The following PPFIA2 variants were observed in gnomAD, a reference collection of about 807,000 sequenced individuals.
The protein encoded by PPFIA2 is liprin-alpha-2.
Under a neutral mutation model 175.5 loss-of-function variants are expected in PPFIA2, and 46 were observed. The ratio of observed to expected loss-of-function variants is 0.26; its 90% CI spans 0.21 to 0.34. PPFIA2 has a LOEUF of 0.34. Ranked by LOEUF, PPFIA2 falls within the 10% of genes least tolerant of loss-of-function variation. PPFIA2 has a pLI of 1.00. For synonymous variants in PPFIA2, 568 were observed against 511.4 expected (o/e 1.11, Z -1.49); for missense variants, 1,179 against 1,506.1 (o/e 0.78, Z 3.60).
chr12:81,432,973 A>G (rs1024196607), intron 7 of PPFIA2, among the ~76,000 whole-genome samples: 2 of 151,620 alleles, frequency 1.3e-5, no homozygotes, highest in African/African-American at 4.8e-5. Context: ...AAACATTAAC[A>G]AAAAAAACCA....
At chr12:81,438,621 A>G (rs894458905) in intron 7 of PPFIA2, among the ~76,000 whole-genome samples, 4 of 152,186 alleles carry the variant, frequency 2.6e-5, no homozygotes, top group African/African-American at 9.7e-5. Flanking sequence ...TATAAGACTT[A>G]TCTTTACTGA....
chr12:81,733,844 CTT>C (rs1361735911), intron 3 of PPFIA2, among the ~76,000 whole-genome samples: 1 of 151,678 alleles, frequency 6.6e-6, no homozygotes, highest in Non-Finnish European at 1.5e-5. Context: ...TTTTCATCAT[CTT>C]TTTTTGTTTC....
chr12:81,665,410 A>T (rs1409571712), intron 4 of PPFIA2, among the ~76,000 whole-genome samples: 1 of 152,068 alleles, frequency 6.6e-6, no homozygotes, highest in Non-Finnish European at 1.5e-5. Context: ...CAGTGTTAGC[A>T]TAAACTTAAC....
chr12:81,706,464 C>A (rs890447309), intron 3 of PPFIA2, among the ~76,000 whole-genome samples: 1 of 152,070 alleles, frequency 6.6e-6, no homozygotes, highest in Non-Finnish European at 1.5e-5. Flanking sequence ...GCTTCCACAA[C>A]CTTAAAAATT....
At chr12:81,325,043 G>A (rs933670164) in intron 22 of PPFIA2, among the ~76,000 whole-genome samples, 2 of 151,956 alleles carry the variant, frequency 1.3e-5, no homozygotes, top group African/African-American at 4.8e-5. Context: ...GAAGGAAAAT[G>A]TGAAAACCAA....
At chr12:81,462,088 T>C (rs1217915494) in intron 4 of PPFIA2, among the ~76,000 whole-genome samples, 3 of 151,618 alleles carry the variant, frequency 2.0e-5, no homozygotes, top group African/African-American at 7.3e-5. Context: ...ATTTAGAAGA[T>C]ATTATTGGAG....
At chr12:81,548,241 G>A (rs2067292930) in intron 4 of PPFIA2, among the ~76,000 whole-genome samples, 1 of 152,122 alleles carries the variant, frequency 6.6e-6, no homozygotes, top group Non-Finnish European at 1.5e-5. Context: ...TATAGTAAGA[G>A]GGGATTAGCA....
intron 11 of PPFIA2, chr12:81,369,435 A>G: frequency 7.5e-7 from 1 of 1,334,528 alleles, no homozygotes; most frequent in South Asian, 1.5e-5. Flanking sequence ...AAATCAGCCA[A>G]ATGTAACATG....
intron 3 of PPFIA2, among the ~76,000 whole-genome samples, chr12:81,721,806 G>A (rs2079386791): frequency 6.6e-6 from 1 of 151,084 alleles, no homozygotes; most frequent in South Asian, 2.1e-4. Flanking sequence ...TTCACTGTTT[G>A]TTTGATCTGG....
intron 3 of PPFIA2, among the ~76,000 whole-genome samples, chr12:81,735,448 C>G (rs531722754): frequency 6.6e-6 from 1 of 151,906 alleles, no homozygotes; most frequent in South Asian, 2.1e-4. Flanking sequence ...GGGTTTTCCT[C>G]TTCTTATTGA....
intron 4 of PPFIA2, among the ~76,000 whole-genome samples, chr12:81,631,119 C>T (rs1325799370): frequency 1.3e-5 from 2 of 151,998 alleles, no homozygotes; most frequent in South Asian, 4.2e-4. Context: ...TGATCTCAAA[C>T]TCCTGGGCTC....
chr12:81,642,992 T>C (rs946975733), intron 4 of PPFIA2, among the ~76,000 whole-genome samples: 19 of 147,044 alleles, frequency 1.3e-4, no homozygotes, highest in Non-Finnish European at 2.8e-4. Flanking sequence ...CTCTTATGTG[T>C]ATATAATATA....
intron 26 of PPFIA2, 126 bp downstream of exon 26, chr12:81,282,884 T>C: frequency 4.2e-6 from 3 of 711,412 alleles, no homozygotes; most frequent in East Asian, 2.7e-5. Flanking sequence ...CATTTACCTA[T>C]ACACATCAGC....
Position 81,687,143 on chromosome 12 carries a change from T to C in PPFIA2, c.250-10299A>G, listed in dbSNP as rs191116182. On this transcript the variant is annotated intron_variant, in intron 3 of 32. Coordinates refer to ENST00000549396, the MANE Select transcript of PPFIA2 (RefSeq NM_003625.5). ...CTACCCCAGAGTGATGTATTTTAAA[T>C]GCAAATATAGACAGGTTACTTCTGT... Among the ~76,000 whole-genome samples, 460 of 152,150 alleles carry C rather than the reference T, an allele frequency of 3.0e-3. 4 individuals are homozygous for C. The highest frequency in any genetic ancestry group is 3.2e-3 in the Non-Finnish European group (216 of 67,972).
At chr12:81,303,319 C>T (rs991235439) in intron 22 of PPFIA2, among the ~76,000 whole-genome samples, 10 of 152,214 alleles carry the variant, frequency 6.6e-5, no homozygotes, top group African/African-American at 2.2e-4. Context: ...ACCATCTTTT[C>T]CCAAAGGATC....
chr12:81,317,172 T>G (rs1457928284), intron 22 of PPFIA2, among the ~76,000 whole-genome samples: 1 of 151,476 alleles, frequency 6.6e-6, no homozygotes, highest in African/African-American at 2.4e-5. Flanking sequence ...GCAGAATATA[T>G]GCACACAAGG....
In PPFIA2 at chr12:81,728,012, T is replaced by C. The variant is rs777793475; in HGVS notation, c.249+25961A>G. On this transcript the variant is annotated intron_variant, in intron 3 of 32. Coordinates refer to ENST00000549396, the MANE Select transcript of PPFIA2 (RefSeq NM_003625.5). ...TAACTGCAAAGGAGACTAAAACAAA[T>C]GCAAAGTTGAAACATATTAGGAACA... Among the ~76,000 whole-genome samples, 25 of 151,400 alleles carry C rather than the reference T, an allele frequency of 1.7e-4. 1 individual carries two copies. Among genetic ancestry groups the C allele is most frequent in the Non-Finnish European group, 5.9e-5 (4 of 67,564 alleles).
chr12:81,715,718 T>C (rs1468876572), intron 3 of PPFIA2, among the ~76,000 whole-genome samples: 1 of 151,820 alleles, frequency 6.6e-6, no homozygotes, highest in Non-Finnish European at 1.5e-5. Context: ...AGGAAATCTA[T>C]ATCACATAAA....
rs145300357 is a variant in PPFIA2 at position 81,695,224 on chromosome 12, C to T, written c.250-18380G>A. On this transcript the variant is annotated intron_variant, in intron 3 of 32. Coordinates refer to ENST00000549396, the MANE Select transcript of PPFIA2 (RefSeq NM_003625.5). ...GAAGGACATGAGATTTGGGAGGGGC[C>T]AGCAGTAAAATGATATAGTTTGAAT... is the stretch of plus-strand genomic sequence containing the variant. Among the ~76,000 whole-genome samples, 294 of 152,144 alleles carry T rather than the reference C, an allele frequency of 1.9e-3. 2 individuals carry two copies. Among genetic ancestry groups the T allele is most frequent in the African/African-American group, 6.9e-3 (287 of 41,526 alleles).
Sources: allele counts gnomAD v4.1 joint callset (sites outside exome capture counted in the v4.1 genomes callset), GRCh38; gene constraint gnomAD v4.1.1; transcripts MANE v1.5; gene names NCBI Gene and HGNC (gene_info 2026-07-23, HGNC 2026-07-21).